The following TXNDC11 variants were observed in gnomAD, a reference collection of about 807,000 sequenced individuals.
TXNDC11 encodes the protein thioredoxin domain containing 11, also known as thioredoxin domain-containing protein 11.
TXNDC11 carries 68 observed loss-of-function variants against 78.0 expected under a neutral mutation model. The observed-to-expected ratio is 0.87, with a 90% confidence interval of 0.72 to 1.07. The LOEUF is 1.07. Ranked by LOEUF, TXNDC11 falls within the 50% of genes least tolerant of loss-of-function variation. TXNDC11 has a pLI of 0.00. For missense variants in TXNDC11, 1,389 were observed against 1,221.8 expected, an observed-to-expected ratio of 1.14 and a Z score of -2.04; for synonymous variants, 571 against 495.2, an observed-to-expected ratio of 1.15 and a Z score of -2.03.
chr16:11,734,367 C>T (rs1417308561), intron 2 of TXNDC11, among the ~76,000 whole-genome samples: 1 of 152,140 alleles, frequency 6.6e-6, no homozygotes, highest in Non-Finnish European at 1.5e-5. Flanking sequence ...CCACTTTTTT[C>T]CCTACTGAGT....
intron 1 of TXNDC11, among the ~76,000 whole-genome samples, chr16:11,738,151 G>A (rs2052282153): frequency 6.6e-6 from 1 of 152,182 alleles, no homozygotes; most frequent in South Asian, 2.1e-4. Flanking sequence ...ACTTGGATGA[G>A]TCTCAAAATG....
chr16:11,680,333 C>G (rs2050390836), intron 11 of TXNDC11, among the ~76,000 whole-genome samples: 1 of 152,268 alleles, frequency 6.6e-6, no homozygotes, highest in Non-Finnish European at 1.5e-5. Context: ...ATTACACATT[C>G]TCTAAGGCAG....
At chr16:11,716,541 C>G (rs998101999) in intron 5 of TXNDC11, among the ~76,000 whole-genome samples, 4 of 152,020 alleles carry the variant, frequency 2.6e-5, no homozygotes, top group Admixed American at 2.0e-4. Flanking sequence ...AGATTGCCAG[C>G]CCACAATTAA....
intron 5 of TXNDC11, among the ~76,000 whole-genome samples, chr16:11,709,847 A>G (rs569199700): frequency 6.6e-6 from 1 of 152,178 alleles, no homozygotes; most frequent in Non-Finnish European, 1.5e-5. Flanking sequence ...TGTTACATAT[A>G]CTTAACCTGA....
intron 4 of TXNDC11, among the ~76,000 whole-genome samples, chr16:11,723,802 C>T (rs1401616912): frequency 6.6e-6 from 1 of 152,100 alleles, no homozygotes; most frequent in African/African-American, 2.4e-5. Flanking sequence ...TTCCCCATCC[C>T]ATCTAAATTT....
chr16:11,739,425 G>A (rs2141130692), intron 1 of TXNDC11, among the ~76,000 whole-genome samples: 1 of 152,236 alleles, frequency 6.6e-6, no homozygotes, highest in South Asian at 2.1e-4. Context: ...ACTATACTCA[G>A]GAGGCTAAGG....
In TXNDC11 at chr16:11,698,128, G is replaced by A. The variant is rs150603831; in HGVS notation, c.1104C>T (p.Asp368=). ...NPLAESHPLI[D]EITEVALEYN... is the part of the protein sequence containing the mutation. ...CTTTTCACATCACAGCTCTTACCTC[G>A]TCTATTAAAGGATGACTTTCGGCCA... Residue 368 remains aspartate (D), a synonymous_variant, in exon 7 of 12, where the codon GAC becomes GAT. Coordinates refer to ENST00000283033, the MANE Select transcript of TXNDC11 (RefSeq NM_015914.7). 4.1e-4 allele frequency: 655 copies of A among 1,614,160 alleles called. 3 individuals are homozygous for A. In the African/African-American group the frequency reaches 6.9e-3, roughly 17 times the overall value.
At chr16:11,704,049 G>A (rs2051108840) in intron 5 of TXNDC11, among the ~76,000 whole-genome samples, 1 of 152,116 alleles carries the variant, frequency 6.6e-6, no homozygotes. Context: ...CCGAGATTTT[G>A]CCATTGCACT....
chr16:11,701,325 C>T (rs779978893), intron 5 of TXNDC11, among the ~76,000 whole-genome samples: 2 of 151,502 alleles, frequency 1.3e-5, no homozygotes, highest in Non-Finnish European at 2.9e-5. Flanking sequence ...TTAGTAGAGA[C>T]GGGGTTTCAC....
At chr16:11,733,134 G>A (rs2052103490) in intron 3 of TXNDC11, among the ~76,000 whole-genome samples, 1 of 152,130 alleles carries the variant, frequency 6.6e-6, no homozygotes, top group Non-Finnish European at 1.5e-5. Flanking sequence ...GCAGGCACCT[G>A]TAATCCCAGC....
At chr16:11,707,425 A>C (rs1447516399) in intron 5 of TXNDC11, among the ~76,000 whole-genome samples, 1 of 149,128 alleles carries the variant, frequency 6.7e-6, no homozygotes, top group Non-Finnish European at 1.5e-5. Flanking sequence ...GTTAAATATT[A>C]ATTTCACCTG....
chr16:11,691,234 C>T, intron 8 of TXNDC11, 56 bp downstream of exon 8: 1 of 1,431,898 alleles, frequency 7.0e-7, no homozygotes, highest in Non-Finnish European at 9.5e-7. Flanking sequence ...TAAAATTTAC[C>T]CATATGAAGT....
At chr16:11,688,172 G>T in intron 9 of TXNDC11, 131 bp downstream of exon 9, 1 of 1,043,848 alleles carries the variant, frequency 9.6e-7, no homozygotes, top group Non-Finnish European at 1.4e-6. Context: ...ATTCATTCAC[G>T]GTCCATAATT....
At chr16:11,705,556 G>A (rs1390417479) in intron 5 of TXNDC11, among the ~76,000 whole-genome samples, 3 of 152,292 alleles carry the variant, frequency 2.0e-5, no homozygotes, top group South Asian at 4.1e-4. Flanking sequence ...AGTCACCATC[G>A]TGATTTATTA....
Position 11,726,624 on chromosome 16 carries a change from A to G in TXNDC11, c.699+4021T>C, listed in dbSNP as rs763928165. ...AAATTTCCACTCTAAGCAATTCAGTATCAAATCATCTGAATAGGCCTTTGA... is the reference window on the plus strand; with the variant it reads ...AAATTTCCACTCTAAGCAATTCAGTGTCAAATCATCTGAATAGGCCTTTGA... On this transcript the variant is annotated intron_variant, in intron 4 of 11. Transcript: ENST00000283033. Among the ~76,000 whole-genome samples the G allele has an allele frequency of 9.2e-5, 14 of 151,838 alleles. 1 individual carries two copies. Among genetic ancestry groups the G allele is most frequent in the South Asian group, 8.3e-4 (4 of 4,814 alleles).
chr16:11,681,927 G>A (rs1024620079), intron 11 of TXNDC11, among the ~76,000 whole-genome samples: 2 of 152,178 alleles, frequency 1.3e-5, no homozygotes, highest in Non-Finnish European at 2.9e-5. Flanking sequence ...TGCAAGGGAT[G>A]TAAAAACATA....
chr16:11,723,372 G>T lies in TXNDC11; in HGVS notation c.700-1702C>A, dbSNP rs187439802. Among the ~76,000 whole-genome samples the T allele has an allele frequency of 3.0e-4, 46 of 152,202 alleles. 1 individual carries two copies. The highest frequency in any genetic ancestry group is 2.0e-3 in the Admixed American group (31 of 15,286). ...GGCTGAGGCAGGTGGATCACTTGAG[G>T]TCGGGAGTTCAAGACCAGCCTGGCC... is the stretch of plus-strand genomic sequence containing the variant. On this transcript the variant is annotated intron_variant, in intron 4 of 11. Transcript: ENST00000283033.
chr16:11,708,977 T>C (rs1409618157), intron 5 of TXNDC11, among the ~76,000 whole-genome samples: 2 of 152,248 alleles, frequency 1.3e-5, no homozygotes, highest in Non-Finnish European at 2.9e-5. Context: ...TTCATAACCA[T>C]TTCCTGGTGA....
chr16:11,712,433 C>G (rs539440734), intron 5 of TXNDC11, among the ~76,000 whole-genome samples: 1 of 152,206 alleles, frequency 6.6e-6, no homozygotes, highest in African/African-American at 2.4e-5. Flanking sequence ...AAGGCTGTCA[C>G]AGACCCATCA....
Sources: allele counts gnomAD v4.1 joint callset (sites outside exome capture counted in the v4.1 genomes callset), GRCh38; gene constraint gnomAD v4.1.1; transcripts MANE v1.5; gene names NCBI Gene and HGNC (gene_info 2026-07-23, HGNC 2026-07-21).